The following CDH12 variants were observed in gnomAD, a reference collection of about 807,000 sequenced individuals.
The protein encoded by CDH12 is cadherin-12.
In CDH12, 41 loss-of-function variants were observed where a neutral mutation model predicts 74.1. The ratio of observed to expected loss-of-function variants is 0.55; its 90% CI spans 0.43 to 0.72. The LOEUF (loss-of-function observed/expected upper bound fraction) is 0.72, where lower values mean the gene tolerates loss of function less well. Among genes scored for constraint, CDH12 ranks in the 30% least tolerant of loss-of-function variants. The probability of loss-of-function intolerance (pLI) is 0.00; values close to 1 mark genes in which losing one functional copy is unlikely to be tolerated. For missense variants in CDH12, 945 were observed against 977.2 expected (o/e 0.97, Z 0.44); for synonymous variants, 399 against 355.0 (o/e 1.12, Z -1.39).
intron 1 of CDH12, among the ~76,000 whole-genome samples, chr5:22,591,930 A>G (rs950487733): frequency 6.6e-6 from 1 of 151,892 alleles, no homozygotes; most frequent in African/African-American, 2.4e-5. Context: ...TCCTTGAGAT[A>G]TCATTTAACA....
chr5:21,954,662 G>T (rs1481835089), intron 6 of CDH12, among the ~76,000 whole-genome samples: 1 of 151,796 alleles, frequency 6.6e-6, no homozygotes, highest in Non-Finnish European at 1.5e-5. Context: ...TTTGTGTGTG[G>T]GTGCACAATA....
intron 5 of CDH12, among the ~76,000 whole-genome samples, chr5:22,023,333 T>C (rs1234765127): frequency 6.6e-6 from 1 of 152,136 alleles, no homozygotes; most frequent in Non-Finnish European, 1.5e-5. Flanking sequence ...ATTTCTTGCC[T>C]TCATTATATT....
At position 22,433,510 on chromosome 5, in the gene CDH12, TA is replaced by T. The variant is rs1280013169; in HGVS notation, c.-427-28160del. Among the ~76,000 whole-genome samples the T allele has an allele frequency of 3.9e-5, 6 of 151,988 alleles. No individual in the cohort carries two copies. In the East Asian group the frequency reaches 1.2e-3, roughly 29 times the overall value. ...CAATCTGATAAATTCAACAGATACA[TA>T]AATGAGTAATTATAATATAAATTAA... is the stretch of plus-strand genomic sequence containing the variant. On this transcript the variant is annotated intron_variant, in intron 2 of 14. Coordinates refer to ENST00000382254, the MANE Select transcript of CDH12 (RefSeq NM_004061.5).
At chr5:22,830,520 G>T (rs1247856003) in intron 1 of CDH12, among the ~76,000 whole-genome samples, 1 of 151,656 alleles carries the variant, frequency 6.6e-6, no homozygotes, top group East Asian at 1.9e-4. Flanking sequence ...ATTAGAAAAA[G>T]GAGGCACTTT....
At chr5:21,764,594 A>C (rs1744907491) in intron 12 of CDH12, among the ~76,000 whole-genome samples, 1 of 148,240 alleles carries the variant, frequency 6.7e-6, no homozygotes, top group African/African-American at 2.5e-5. Context: ...GGTTGCAGTG[A>C]GCCAAGAATG....
At chr5:22,588,000 A>G (rs1216965712) in intron 1 of CDH12, among the ~76,000 whole-genome samples, 2 of 149,036 alleles carry the variant, frequency 1.3e-5, no homozygotes, top group East Asian at 1.9e-4. Flanking sequence ...ATGTGTGTCT[A>G]TATACCTACC....
At chr5:22,272,614 C>T (rs1333475526) in intron 3 of CDH12, among the ~76,000 whole-genome samples, 1 of 152,052 alleles carries the variant, frequency 6.6e-6, no homozygotes, top group Non-Finnish European at 1.5e-5. Flanking sequence ...GGTAGTCTTC[C>T]TTTCACTTGA....
intron 1 of CDH12, among the ~76,000 whole-genome samples, chr5:22,535,744 A>G (rs1561475861): frequency 6.6e-6 from 1 of 152,232 alleles, no homozygotes. Context: ...TTATTTGACC[A>G]TAGAATCCTT....
intron 1 of CDH12, among the ~76,000 whole-genome samples, chr5:22,808,810 T>C (rs1023572540): frequency 5.0e-5 from 7 of 141,192 alleles, no homozygotes; most frequent in Admixed American, 2.9e-4. Context: ...GGTTTCACCA[T>C]GTTGGCCAGG....
At chr5:22,533,103 T>A (rs1169169859) in intron 1 of CDH12, among the ~76,000 whole-genome samples, 1 of 152,152 alleles carries the variant, frequency 6.6e-6, no homozygotes, top group Non-Finnish European at 1.5e-5. Context: ...TTTTCTTTTT[T>A]CTTTTTCCTT....
intron 1 of CDH12, among the ~76,000 whole-genome samples, chr5:22,611,560 A>G (rs909774872): frequency 5.1e-4 from 77 of 152,286 alleles, no homozygotes; most frequent in African/African-American, 1.7e-3. Context: ...TATTGATGTT[A>G]GAGTAGCCTT....
intron 1 of CDH12, among the ~76,000 whole-genome samples, chr5:22,594,193 C>T (rs1431796740): frequency 6.6e-6 from 1 of 152,142 alleles, no homozygotes; most frequent in East Asian, 1.9e-4. Flanking sequence ...AAATTTTGAG[C>T]CTGGCATTAA....
At chr5:22,367,776 T>C (rs888749919) in intron 3 of CDH12, among the ~76,000 whole-genome samples, 1 of 152,204 alleles carries the variant, frequency 6.6e-6, no homozygotes, top group Non-Finnish European at 1.5e-5. Flanking sequence ...TGAACCCTAA[T>C]AAATGCTTGC....
chr5:21,859,527 G>C (rs765527466), intron 6 of CDH12, among the ~76,000 whole-genome samples: 5 of 151,764 alleles, frequency 3.3e-5, no homozygotes, highest in Non-Finnish European at 5.9e-5. Flanking sequence ...ACCATTTCTC[G>C]CATAGCCAGG....
intron 4 of CDH12, among the ~76,000 whole-genome samples, chr5:22,210,544 T>C (rs1463981012): frequency 6.6e-6 from 1 of 151,774 alleles, no homozygotes; most frequent in African/African-American, 2.4e-5. Context: ...GTTATATAAG[T>C]AAACATGTGT....
chr5:22,199,078 C>G (rs1750780077), intron 4 of CDH12, among the ~76,000 whole-genome samples: 1 of 152,086 alleles, frequency 6.6e-6, no homozygotes, highest in South Asian at 2.1e-4. Context: ...CCAGAGCACC[C>G]AGCTCTGCAC....
chr5:21,968,979 G>T (rs1007283705), intron 6 of CDH12, among the ~76,000 whole-genome samples: 3 of 151,916 alleles, frequency 2.0e-5, no homozygotes, highest in Non-Finnish European at 1.5e-5. Context: ...GGCTTGATGG[G>T]GGGTGGAGGG....
At chr5:22,451,230 G>C (rs866536439) in intron 2 of CDH12, among the ~76,000 whole-genome samples, 4 of 151,820 alleles carry the variant, frequency 2.6e-5, no homozygotes, top group Non-Finnish European at 5.9e-5. Context: ...AATATATAGA[G>C]AGTAAGTGAT....
chr5:22,437,546 A>C (rs1744447586), intron 2 of CDH12, among the ~76,000 whole-genome samples: 1 of 96,464 alleles, frequency 1.0e-5, no homozygotes, highest in Admixed American at 1.4e-4. Flanking sequence ...TCAGCAATTT[A>C]AAAATAATAA....
Sources: gnomAD v4.1 joint callset for allele counts (sites outside exome capture counted in the v4.1 genomes callset) on GRCh38, gnomAD v4.1.1 for gene constraint, MANE v1.5 for transcripts, NCBI Gene and HGNC (gene_info 2026-07-23, HGNC 2026-07-21) for gene names.